CACNA2D3: variants seen among roughly 807,000 people sequenced by gnomAD.
CACNA2D3 encodes the protein voltage-dependent calcium channel subunit alpha-2/delta-3.
In CACNA2D3, 60 loss-of-function variants were observed where a neutral mutation model predicts 160.6. The observed-to-expected ratio is 0.37, with a 90% confidence interval of 0.30 to 0.46. The LOEUF is 0.46. CACNA2D3 is among the 20% of genes least tolerant of loss of function. CACNA2D3 has a pLI of 1.00. For missense variants in CACNA2D3, 1,205 were observed against 1,365.0 expected (o/e 0.88, Z 1.85); for synonymous variants, 558 against 492.9 (o/e 1.13, Z -1.75).
At chr3:54,932,956 T>G (rs1197251090) in intron 27 of CACNA2D3, among the ~76,000 whole-genome samples, 1 of 152,164 alleles carries the variant, frequency 6.6e-6, no homozygotes, top group Non-Finnish European at 1.5e-5. Context: ...GAAAATAGTT[T>G]CCTAGGAATT....
intron 2 of CACNA2D3, among the ~76,000 whole-genome samples, chr3:54,296,649 A>G (rs1009852493): frequency 2.6e-5 from 4 of 152,222 alleles, no homozygotes; most frequent in African/African-American, 7.2e-5. Flanking sequence ...CAGAGTAGTC[A>G]TTAGCTTTCC....
At chr3:54,242,160 C>T (rs1256938355) in intron 2 of CACNA2D3, among the ~76,000 whole-genome samples, 3 of 152,164 alleles carry the variant, frequency 2.0e-5, no homozygotes, top group Non-Finnish European at 2.9e-5. Flanking sequence ...GTGGCTCACA[C>T]GTGTAATCCT....
At chr3:55,023,564 G>GTCT in intron 35 of CACNA2D3, among the ~76,000 whole-genome samples, 1 of 151,780 alleles carries the variant, frequency 6.6e-6, no homozygotes, top group East Asian at 1.9e-4. Context: ...TTCTATCTGT[G>GTCT]TTTTTCCATG....
intron 31 of CACNA2D3, among the ~76,000 whole-genome samples, chr3:54,999,735 G>A (rs1316995378): frequency 6.6e-6 from 1 of 152,196 alleles, no homozygotes; most frequent in African/African-American, 2.4e-5. Flanking sequence ...TAAATTAGCT[G>A]AGCTTATGCT....
chr3:54,506,991 A>G (rs757210444), intron 5 of CACNA2D3, among the ~76,000 whole-genome samples: 12 of 150,116 alleles, frequency 8.0e-5, no homozygotes, highest in Admixed American at 7.2e-4. Context: ...ATATACACAC[A>G]TATATATATA....
intron 11 of CACNA2D3, among the ~76,000 whole-genome samples, chr3:54,657,148 C>G (rs1241406862): frequency 6.6e-6 from 1 of 152,104 alleles, no homozygotes; most frequent in Admixed American, 6.5e-5. Context: ...GAAGGAATTT[C>G]ACAAGACAAT....
At chr3:54,984,466 C>A in intron 29 of CACNA2D3, 142 bp from the exon 30 acceptor site, 1 of 638,302 alleles carries the variant, frequency 1.6e-6, no homozygotes, top group Non-Finnish European at 2.7e-6. Context: ...AACCAGCAGG[C>A]TTTTGCAATT....
chr3:54,643,648 G>A (rs1559536994), intron 11 of CACNA2D3, among the ~76,000 whole-genome samples: 1 of 152,188 alleles, frequency 6.6e-6, no homozygotes, highest in Non-Finnish European at 1.5e-5. Context: ...TAGTTCATGT[G>A]GTAACTTCCA....
At chr3:54,755,042 T>C (rs1028960900) in intron 12 of CACNA2D3, among the ~76,000 whole-genome samples, 6 of 152,188 alleles carry the variant, frequency 3.9e-5, no homozygotes, top group Non-Finnish European at 5.9e-5. Context: ...TTCCGTACTA[T>C]GGCATGCATA....
intron 11 of CACNA2D3, among the ~76,000 whole-genome samples, chr3:54,713,131 A>G (rs1370864460): frequency 6.6e-6 from 1 of 152,136 alleles, no homozygotes; most frequent in Non-Finnish European, 1.5e-5. Flanking sequence ...TGACCCCATT[A>G]TGTCTTATCA....
At chr3:54,207,557 GC>G (rs1357965291) in intron 2 of CACNA2D3, among the ~76,000 whole-genome samples, 1 of 152,190 alleles carries the variant, frequency 6.6e-6, no homozygotes, top group Non-Finnish European at 1.5e-5. Context: ...CAAACCCACT[GC>G]TAACCTTCCT....
chr3:54,671,113 T>C (rs902092590), intron 11 of CACNA2D3, among the ~76,000 whole-genome samples: 1 of 151,790 alleles, frequency 6.6e-6, no homozygotes, highest in African/African-American at 2.4e-5. Context: ...GAAGCAAAAA[T>C]TTGTTTTTGG....
At chr3:55,058,233 T>C (rs1382798759) in intron 35 of CACNA2D3, among the ~76,000 whole-genome samples, 1 of 152,218 alleles carries the variant, frequency 6.6e-6, no homozygotes, top group Non-Finnish European at 1.5e-5. Context: ...ACATGATTTG[T>C]TTAATTATTT....
intron 2 of CACNA2D3, among the ~76,000 whole-genome samples, chr3:54,281,716 A>G (rs866984138): frequency 5.3e-5 from 8 of 152,248 alleles, no homozygotes; most frequent in Non-Finnish European, 1.2e-4. Context: ...GTATAGAATT[A>G]AAGCTGAAAA....
intron 35 of CACNA2D3, among the ~76,000 whole-genome samples, chr3:55,071,113 A>G (rs1352072971): frequency 1.3e-5 from 2 of 152,110 alleles, no homozygotes; most frequent in African/African-American, 4.8e-5. Context: ...CTTATTTACT[A>G]TATTTTAATG....
chr3:54,533,827 GTT>G (rs1701845059), intron 5 of CACNA2D3, among the ~76,000 whole-genome samples: 1 of 140,860 alleles, frequency 7.1e-6, no homozygotes, highest in South Asian at 2.3e-4. Flanking sequence ...GTGTGTGTGT[GTT>G]AATAGGGTGT....
At chr3:54,682,300 A>G (rs1287083313) in intron 11 of CACNA2D3, among the ~76,000 whole-genome samples, 2 of 152,184 alleles carry the variant, frequency 1.3e-5, no homozygotes, top group East Asian at 1.9e-4. Flanking sequence ...TTTATGTTGT[A>G]TATCATTAGA....
At chr3:54,775,975 G>A (rs1174396537) in intron 13 of CACNA2D3, among the ~76,000 whole-genome samples, 1 of 151,976 alleles carries the variant, frequency 6.6e-6, no homozygotes, top group Non-Finnish European at 1.5e-5. Context: ...CCAGTCATCG[G>A]TGAAACACAG....
chr3:54,953,968 A>G (rs765928520), intron 27 of CACNA2D3, among the ~76,000 whole-genome samples: 22 of 152,250 alleles, frequency 1.4e-4, no homozygotes, highest in South Asian at 4.1e-4. Flanking sequence ...CACAGATTTC[A>G]GTCCACAGAT....
Sources: gnomAD v4.1 joint callset for allele counts (sites outside exome capture counted in the v4.1 genomes callset) on GRCh38, gnomAD v4.1.1 for gene constraint, MANE v1.5 for transcripts, NCBI Gene and HGNC (gene_info 2026-07-23, HGNC 2026-07-21) for gene names.